The following NCKAP5 variants were observed in gnomAD, a reference collection of about 807,000 sequenced individuals.
NCKAP5 encodes the protein nck-associated protein 5.
In NCKAP5, 92 loss-of-function variants were observed where a neutral mutation model predicts 167.0. That is an observed-to-expected ratio of 0.55 (90% CI 0.47 to 0.66). The LOEUF is 0.66. Ranked by LOEUF, NCKAP5 falls within the 30% of genes least tolerant of loss-of-function variation. NCKAP5 has a pLI of 0.00. For synonymous variants in NCKAP5, 891 were observed against 877.4 expected, an observed-to-expected ratio of 1.02 and a Z score of -0.27; for missense variants, 2,378 against 2,315.0, an observed-to-expected ratio of 1.03 and a Z score of -0.56.
intron 6 of NCKAP5, among the ~76,000 whole-genome samples, chr2:133,088,252 C>A (rs987141325): frequency 5.3e-5 from 8 of 152,186 alleles, no homozygotes; most frequent in Non-Finnish European, 2.9e-5. Flanking sequence ...TTGGCACGGG[C>A]ACTAAACAAA....
chr2:132,995,246 T>A (rs904767075), intron 6 of NCKAP5, among the ~76,000 whole-genome samples: 1 of 152,232 alleles, frequency 6.6e-6, no homozygotes, highest in African/African-American at 2.4e-5. Flanking sequence ...TTTAAATTTT[T>A]AAAAAACTCG....
At chr2:133,023,732 G>C (rs528446209) in intron 6 of NCKAP5, among the ~76,000 whole-genome samples, 1 of 152,160 alleles carries the variant, frequency 6.6e-6, no homozygotes, top group African/African-American at 2.4e-5. Context: ...AATTTGCTTA[G>C]GATAATGACC....
the NCKAP5 span, among the ~76,000 whole-genome samples, chr2:133,666,250 T>G: frequency 6.8e-6 from 1 of 146,696 alleles, no homozygotes; most frequent in African/African-American, 2.5e-5. Flanking sequence ...CAGACTGGAG[T>G]GCAGTGGCGC....
rs1449988500 is a variant in NCKAP5 at position 133,552,004 on chromosome 2, T to C, written c.-62+7046A>G. On this transcript the variant is annotated intron_variant, in intron 2 of 19. Coordinates refer to ENST00000409261, the MANE Select transcript of NCKAP5 (RefSeq NM_207363.3). ...AAAACACATGAAAAAATGCTCATCATCACTGGCCATCAGGGAAATGCAAAT... is the reference window on the plus strand; with the variant it reads ...AAAACACATGAAAAAATGCTCATCACCACTGGCCATCAGGGAAATGCAAAT... 3.0e-5 allele frequency among the ~76,000 whole-genome samples: 4 copies of C among 131,468 alleles called. No individual in the cohort carries two copies. The East Asian group carries it at 8.8e-4, about 29-fold the overall frequency. 86.2% of individuals were successfully genotyped at this position (131,468 alleles called of 152,430 possible). A position where few individuals can be genotyped will look rare whatever the true frequency, so the allele number is the denominator to read the frequency against.
rs560778116 is a variant in NCKAP5 at position 133,174,701 on chromosome 2, T to C, written c.207+39015A>G. ...GCACAACAAAATATTCCAAGTAACA[T>C]CTTTTTTTTTTTTTCTCCCCCCTGC... is the stretch of plus-strand genomic sequence containing the variant. On this transcript the variant is annotated intron_variant, in intron 5 of 19. Coordinates refer to ENST00000409261, the MANE Select transcript of NCKAP5 (RefSeq NM_207363.3). Among the ~76,000 whole-genome samples the C allele has an allele frequency of 2.4e-3, 227 of 94,260 alleles. 7 individuals carry two copies. The South Asian group carries it at 0.072, about 30-fold the overall frequency. 61.8% of individuals were successfully genotyped at this position (94,260 alleles called of 152,430 possible). A position where few individuals can be genotyped will look rare whatever the true frequency, so the allele number is the denominator to read the frequency against.
the NCKAP5 span, among the ~76,000 whole-genome samples, chr2:133,576,021 T>C: frequency 2.8e-3 from 434 of 152,342 alleles, 5 homozygotes; most frequent in African/African-American, 9.8e-3. Context: ...CATGTACAGC[T>C]GTGTAAACAG....
chr2:133,357,307 AC>A, intron 3 of NCKAP5, among the ~76,000 whole-genome samples: 1 of 151,536 alleles, frequency 6.6e-6, no homozygotes, highest in Admixed American at 6.6e-5. Flanking sequence ...ACACACACAC[AC>A]ACACACACAC....
chr2:132,794,279 G>T (rs1321132765), intron 12 of NCKAP5, among the ~76,000 whole-genome samples: 48 of 109,350 alleles, frequency 4.4e-4, no homozygotes, highest in South Asian at 9.3e-4. Flanking sequence ...GAGAGAGAGA[G>T]AGAGAGAGAG....
In NCKAP5 at chr2:132,731,876, G is replaced by C. The variant is rs1338889705; in HGVS notation, c.5304C>G (p.Thr1768=). 6.2e-7 allele frequency: 1 copy of C among 1,613,794 alleles called. No individual in the cohort carries two copies. Among genetic ancestry groups the C allele is most frequent in the Non-Finnish European group, 8.5e-7 (1 of 1,179,896 alleles). The change falls in exon 17 of 20, where the codon ACC becomes ACG. Residue 1768 remains threonine (T), a synonymous_variant. Transcript: ENST00000409261. ...TGGAGGAAGGCACTTCACGTTCAAGGGTTTGGGCTCTCATGGAAGAAACTG... is the reference window on the plus strand; with the variant it reads ...TGGAGGAAGGCACTTCACGTTCAAGCGTTTGGGCTCTCATGGAAGAAACTG... The part of the protein sequence containing the change: ...LSAVSSMRAQ[T]LEREVPSSTD...
the NCKAP5 span, among the ~76,000 whole-genome samples, chr2:133,595,032 A>C: frequency 6.6e-6 from 1 of 152,204 alleles, no homozygotes; most frequent in South Asian, 2.1e-4. Context: ...AAGATGTGAA[A>C]GAAACAACTG....
intron 3 of NCKAP5, among the ~76,000 whole-genome samples, chr2:133,406,874 C>T (rs997489966): frequency 6.6e-6 from 1 of 152,222 alleles, no homozygotes; most frequent in African/African-American, 2.4e-5. Context: ...GCCCTTCCTT[C>T]CAGGGGACCT....
intron 19 of NCKAP5, among the ~76,000 whole-genome samples, chr2:132,704,586 T>C (rs1195212728): frequency 6.6e-6 from 1 of 152,206 alleles, no homozygotes; most frequent in Non-Finnish European, 1.5e-5. Flanking sequence ...ATCTGCTTAT[T>C]CTCTCTAATA....
chr2:133,271,596 G>T (rs2150414901), intron 4 of NCKAP5, among the ~76,000 whole-genome samples: 1 of 152,186 alleles, frequency 6.6e-6, no homozygotes, highest in East Asian at 1.9e-4. Context: ...TATGGAACTT[G>T]CTAGAGGTCT....
chr2:132,850,627 T>C (rs538547268), intron 11 of NCKAP5, among the ~76,000 whole-genome samples: 48 of 152,178 alleles, frequency 3.2e-4, no homozygotes, highest in Non-Finnish European at 5.7e-4. Context: ...AAATGGCATA[T>C]TTGACCACAC....
chr2:133,462,928 T>G (rs1210192069), intron 3 of NCKAP5, among the ~76,000 whole-genome samples: 2 of 152,232 alleles, frequency 1.3e-5, no homozygotes, highest in African/African-American at 4.8e-5. Flanking sequence ...ATTATTGGTT[T>G]CACCTGTGAA....
the NCKAP5 span, among the ~76,000 whole-genome samples, chr2:133,612,916 T>A: frequency 1.3e-5 from 2 of 152,168 alleles, no homozygotes; most frequent in African/African-American, 4.8e-5. Flanking sequence ...ACACCATTGG[T>A]AAGTAGCAGG....
In NCKAP5 at chr2:132,832,852, A is replaced by G. The variant is rs1687618334; in HGVS notation, c.807+27640T>C. Among the ~76,000 whole-genome samples, 4 of 152,206 alleles carry G rather than the reference A, an allele frequency of 2.6e-5. No individual in the cohort carries two copies. The East Asian group carries it at 7.7e-4, about 29-fold the overall frequency. On this transcript the variant is annotated intron_variant, in intron 11 of 19. Coordinates refer to ENST00000409261, the MANE Select transcript of NCKAP5 (RefSeq NM_207363.3). ...ATATGAGTGCAGGTTTCTTTTTTGT[A>G]TACGGATTTATTTTCCTTTGGGTAG...
intron 5 of NCKAP5, among the ~76,000 whole-genome samples, chr2:133,156,507 T>C (rs1447541405): frequency 6.6e-6 from 1 of 152,204 alleles, no homozygotes; most frequent in East Asian, 1.9e-4. Context: ...TTAAAAATTG[T>C]ATATGCCTTT....
In NCKAP5 at chr2:132,783,267, A is replaced by G; in HGVS notation, c.3544T>C (p.Ser1182Pro). 6.2e-7 allele frequency: 1 copy of G among 1,613,812 alleles called. No individual in the cohort carries two copies. The highest frequency in any genetic ancestry group is 2.2e-5 in the East Asian group (1 of 44,848). Residue 1182 changes from serine to proline, a missense_variant, in exon 14 of 20, where the codon TCC (serine) becomes CCC (proline). Transcript: ENST00000409261. ...GGCTTAGACTTGTTCACAGCCACGG[A>G]ACTTTTGGAGGCTTCATTTAAACTG... is the stretch of plus-strand genomic sequence containing the variant. ...KDSLNEASKS[S>P]VAVNKSKPED...
Sources: gnomAD v4.1 joint callset for allele counts (sites outside exome capture counted in the v4.1 genomes callset) on GRCh38, gnomAD v4.1.1 for gene constraint, MANE v1.5 for transcripts, NCBI Gene and HGNC (gene_info 2026-07-23, HGNC 2026-07-21) for gene names.